COMMD10: variants seen among roughly 807,000 people sequenced by gnomAD.
COMMD10 encodes the protein COMM domain containing 10, also known as COMM domain-containing protein 10.
In COMMD10, 33 loss-of-function variants were observed where a neutral mutation model predicts 28.9. The observed-to-expected ratio is 1.14, with a 90% confidence interval of 0.87 to 1.53. COMMD10 has a LOEUF of 1.53. COMMD10 is among the 40% of genes most tolerant of loss of function. COMMD10 has a pLI of 0.00. For synonymous variants in COMMD10, 110 were observed against 81.7 expected, an observed-to-expected ratio of 1.35 and a Z score of -1.87; for missense variants, 310 against 233.4, an observed-to-expected ratio of 1.33 and a Z score of -2.14.
At chr5:116,087,315 G>A (rs1005607956) in intron 1 of COMMD10, among the ~76,000 whole-genome samples, 182 bp from the exon 2 acceptor site, 5 of 152,154 alleles carry the variant, frequency 3.3e-5, no homozygotes, top group Non-Finnish European at 7.3e-5. Flanking sequence ...AATTTTGGGG[G>A]CATCTTTTTG....
chr5:116,092,799 A>G (rs746262442), intron 4 of COMMD10, 99 bp downstream of exon 4: 27 of 836,482 alleles, frequency 3.2e-5, no homozygotes, highest in South Asian at 1.5e-4. Flanking sequence ...GTTGAGAGGT[A>G]GAGTCAGGCA....
intron 5 of COMMD10, among the ~76,000 whole-genome samples, chr5:116,256,799 C>T (rs954528885): frequency 1.3e-5 from 2 of 151,658 alleles, no homozygotes; most frequent in Admixed American, 1.3e-4. Context: ...ACAAAGTTTG[C>T]ATACATTGAA....
intron 5 of COMMD10, among the ~76,000 whole-genome samples, chr5:116,234,467 C>A (rs780112728): frequency 6.6e-6 from 1 of 152,116 alleles, no homozygotes; most frequent in Admixed American, 6.5e-5. Context: ...CATAAATTCT[C>A]ATGGTAGCAA....
chr5:116,223,585 C>G (rs183547525), intron 5 of COMMD10, among the ~76,000 whole-genome samples: 1 of 152,090 alleles, frequency 6.6e-6, no homozygotes, highest in African/African-American at 2.4e-5. Flanking sequence ...GAGATTTAAC[C>G]TAATCCAGAG....
At position 116,292,960 on chromosome 5, in the gene COMMD10, A is replaced by G. The variant is rs112702632; in HGVS notation, c.*471A>G. ...ACTATGGCATTTTTATTTGAATATG[A>G]TGAGTATATTTTGCTTCGGAAATAA... is the stretch of plus-strand genomic sequence containing the variant. On this transcript the variant is annotated 3_prime_UTR_variant, in exon 7 of 7. Transcript: ENST00000274458. 38 of 396,956 alleles carry G rather than the reference A, an allele frequency of 9.6e-5. No individual in the cohort carries two copies. Among genetic ancestry groups the G allele is most frequent in the Non-Finnish European group, 1.4e-4 (31 of 225,044 alleles). 24.6% of individuals were successfully genotyped at this position (396,956 alleles called of 1,614,324 possible).
intron 4 of COMMD10, among the ~76,000 whole-genome samples, chr5:116,120,912 G>A (rs568448725): frequency 6.2e-4 from 94 of 151,614 alleles, no homozygotes; most frequent in African/African-American, 2.2e-3. Flanking sequence ...TATATGTTTT[G>A]TATGTTTTTG....
At chr5:116,250,625 G>T (rs1179652672) in intron 5 of COMMD10, among the ~76,000 whole-genome samples, 1 of 151,740 alleles carries the variant, frequency 6.6e-6, no homozygotes, top group Non-Finnish European at 1.5e-5. Flanking sequence ...ACTAGCACTT[G>T]GTATGTTTTC....
In COMMD10 at chr5:116,182,521, T is replaced by C. The variant is rs190959282; in HGVS notation, c.510+48343T>C. ...AAAGTGAGAAATCAAAGAAGAAACT[T>C]TGTTGCTGAGACATTTAGACTATTT... On this transcript the variant is annotated intron_variant, in intron 5 of 6. Transcript: ENST00000274458. Among the ~76,000 whole-genome samples the C allele has an allele frequency of 6.6e-5, 10 of 151,766 alleles. 1 individual carries two copies. The highest frequency in any genetic ancestry group is 2.4e-4 in the African/African-American group (10 of 41,478).
chr5:116,190,306 T>C (rs1748319522), intron 5 of COMMD10, among the ~76,000 whole-genome samples: 1 of 152,140 alleles, frequency 6.6e-6, no homozygotes, highest in African/African-American at 2.4e-5. Flanking sequence ...GAAAGTTAAA[T>C]ATGCAGCTAA....
intron 5 of COMMD10, among the ~76,000 whole-genome samples, chr5:116,236,472 C>G (rs1430891574): frequency 1.4e-5 from 2 of 140,592 alleles, no homozygotes; most frequent in African/African-American, 5.5e-5. Flanking sequence ...CTACTGCACT[C>G]TAGCCTGGGT....
chr5:116,216,243 G>A (rs967160610), intron 5 of COMMD10, among the ~76,000 whole-genome samples: 18 of 152,074 alleles, frequency 1.2e-4, no homozygotes, highest in South Asian at 2.1e-4. Context: ...AAGGACAGAC[G>A]CAAATTAATC....
intron 5 of COMMD10, among the ~76,000 whole-genome samples, chr5:116,237,512 G>A (rs565609093): frequency 4.0e-5 from 6 of 151,862 alleles, no homozygotes; most frequent in African/African-American, 7.2e-5. Flanking sequence ...GTAGATAAAC[G>A]TTACAGAAAA....
chr5:116,156,427 G>T (rs1381591063), intron 5 of COMMD10, among the ~76,000 whole-genome samples: 1 of 152,164 alleles, frequency 6.6e-6, no homozygotes, highest in Non-Finnish European at 1.5e-5. Context: ...TTACAGTACA[G>T]TTTCATTCAT....
At chr5:116,247,901 C>A (rs72806927) in intron 5 of COMMD10, among the ~76,000 whole-genome samples, 8,023 of 152,032 alleles carry the variant, frequency 0.053, 293 homozygotes, top group East Asian at 0.14. Context: ...ATCTGTACAA[C>A]AGATCCCCAT....
chr5:116,170,352 A>G (rs1289148755), intron 5 of COMMD10, among the ~76,000 whole-genome samples: 1 of 152,152 alleles, frequency 6.6e-6, no homozygotes, highest in Non-Finnish European at 1.5e-5. Context: ...GAAACAAATG[A>G]AAAACATTCT....
At chr5:116,116,904 C>A (rs763842522) in intron 4 of COMMD10, among the ~76,000 whole-genome samples, 4 of 152,072 alleles carry the variant, frequency 2.6e-5, no homozygotes, top group Non-Finnish European at 5.9e-5. Flanking sequence ...TATATACACA[C>A]ATTTAATTAT....
At position 116,170,343 on chromosome 5, in the gene COMMD10, A is replaced by G. The variant is rs929291902; in HGVS notation, c.510+36165A>G. ...ACTTCTCAAGGAAATGAGAGGACAG[A>G]AACAAATGAAAAACATTCTATGCTC... On this transcript the variant is annotated intron_variant, in intron 5 of 6. Transcript: ENST00000274458. Among the ~76,000 whole-genome samples the G allele has an allele frequency of 3.3e-5, 5 of 152,334 alleles. No individual in the cohort carries two copies. The South Asian group carries it at 1.0e-3, about 32-fold the overall frequency.
chr5:116,161,048 G>A (rs938223399), intron 5 of COMMD10, among the ~76,000 whole-genome samples: 28 of 151,896 alleles, frequency 1.8e-4, no homozygotes, highest in Admixed American at 1.1e-3. Flanking sequence ...TCATTTCTTG[G>A]GAAATAAAAT....
At chr5:116,260,802 G>C (rs771942735) in intron 5 of COMMD10, among the ~76,000 whole-genome samples, 1 of 151,722 alleles carries the variant, frequency 6.6e-6, no homozygotes, top group South Asian at 2.1e-4. Context: ...TTTTATAATG[G>C]TATTTTGAAA....
Sources: allele counts gnomAD v4.1 joint callset (sites outside exome capture counted in the v4.1 genomes callset), GRCh38; gene constraint gnomAD v4.1.1; transcripts MANE v1.5; gene names NCBI Gene and HGNC (gene_info 2026-07-23, HGNC 2026-07-21).